CNTNAP2: variants seen among roughly 807,000 people sequenced by gnomAD.
The protein encoded by CNTNAP2 is contactin-associated protein-like 2.
Under a neutral mutation model 155.2 loss-of-function variants are expected in CNTNAP2, and 98 were observed. That is an observed-to-expected ratio of 0.63 (90% CI 0.54 to 0.75). CNTNAP2 has a LOEUF of 0.75. Ranked by LOEUF, CNTNAP2 falls within the 30% of genes least tolerant of loss-of-function variation. The probability of loss-of-function intolerance (pLI) is 0.00; values close to 1 mark genes in which losing one functional copy is unlikely to be tolerated. For missense variants in CNTNAP2, 1,727 were observed against 1,688.1 expected (o/e 1.02, Z -0.40); for synonymous variants, 651 against 631.2 (o/e 1.03, Z -0.47).
intron 3 of CNTNAP2, among the ~76,000 whole-genome samples, chr7:146,966,133 C>T (rs1448384344): frequency 2.6e-5 from 4 of 152,210 alleles, no homozygotes; most frequent in African/African-American, 9.6e-5. Flanking sequence ...TTGGGATTGT[C>T]ATTGTCTCTG....
Position 147,953,282 on chromosome 7 carries a change from A to G in CNTNAP2, c.2256-24580A>G, listed in dbSNP as rs566575568. 5.9e-5 allele frequency among the ~76,000 whole-genome samples: 9 copies of G among 152,330 alleles called. No homozygotes were observed. In the South Asian group the frequency reaches 1.2e-3, roughly 21 times the overall value. ...ATTCTTATCAATATCCCCTAAACCA[A>G]GCTGAGTAGTGTGAATGATTGAATC... On this transcript the variant is annotated intron_variant, in intron 14 of 23. Transcript: ENST00000361727.
At chr7:146,358,122 C>A (rs150455831) in intron 1 of CNTNAP2, among the ~76,000 whole-genome samples, 21,996 of 151,952 alleles carry the variant, frequency 0.14, 4,072 homozygotes, top group African/African-American at 0.43. Flanking sequence ...GCAAGCTCCG[C>A]CTGCCGGGTT....
chr7:148,388,862 C>T (rs1005409749), intron 22 of CNTNAP2, among the ~76,000 whole-genome samples: 2 of 152,136 alleles, frequency 1.3e-5, no homozygotes, highest in African/African-American at 4.8e-5. Context: ...TCGTGAACTG[C>T]GAATGCTGCC....
At chr7:147,564,908 C>T (rs1430880312) in intron 12 of CNTNAP2, among the ~76,000 whole-genome samples, 1 of 152,140 alleles carries the variant, frequency 6.6e-6, no homozygotes, top group East Asian at 1.9e-4. Context: ...AAGAATCTTG[C>T]CTTACAGGCC....
chr7:147,116,648 C>G (rs1173232499), intron 5 of CNTNAP2, among the ~76,000 whole-genome samples: 3 of 152,196 alleles, frequency 2.0e-5, no homozygotes, highest in Non-Finnish European at 4.4e-5. Context: ...TTGGACTCTC[C>G]AAAGCCCACA....
intron 13 of CNTNAP2, among the ~76,000 whole-genome samples, chr7:147,696,609 A>T (rs754280162): frequency 1.3e-5 from 2 of 151,696 alleles, no homozygotes; most frequent in Admixed American, 6.6e-5. Context: ...CTCTCCCTTT[A>T]TGTAGATCTA....
intron 9 of CNTNAP2, among the ~76,000 whole-genome samples, chr7:147,347,817 TGGCC>T (rs1795903475): frequency 6.6e-6 from 1 of 152,058 alleles, no homozygotes; most frequent in Non-Finnish European, 1.5e-5. Context: ...AGCATAATAC[TGGCC>T]TTAAAACAGA....
At position 146,405,216 on chromosome 7, in the gene CNTNAP2, G is replaced by A. The variant is rs897795475; in HGVS notation, c.97+288243G>A. Among the ~76,000 whole-genome samples the A allele has an allele frequency of 6.7e-4, 102 of 152,266 alleles. 1 individual carries two copies. The highest frequency in any genetic ancestry group is 2.1e-3 in the African/African-American group (88 of 41,556). On this transcript the variant is annotated intron_variant, in intron 1 of 23. Coordinates refer to ENST00000361727, the MANE Select transcript of CNTNAP2 (RefSeq NM_014141.6). ...AGCTACCTGCAGCCCTGTCCTGATG[G>A]TAATTTGGGTTGTAAGTCAATAAGC...
intron 12 of CNTNAP2, among the ~76,000 whole-genome samples, chr7:147,605,289 A>G (rs1259371891): frequency 3.9e-5 from 6 of 152,086 alleles, no homozygotes; most frequent in Non-Finnish European, 8.8e-5. Flanking sequence ...CTGACAGTAG[A>G]CACATTAACA....
intron 1 of CNTNAP2, among the ~76,000 whole-genome samples, chr7:146,726,502 T>C (rs1801434167): frequency 6.6e-6 from 1 of 152,210 alleles, no homozygotes; most frequent in South Asian, 2.1e-4. Flanking sequence ...AAGTGTTTGC[T>C]AAGCAATTAC....
intron 12 of CNTNAP2, among the ~76,000 whole-genome samples, chr7:147,609,630 G>A (rs918715275): frequency 6.6e-6 from 1 of 152,004 alleles, no homozygotes; most frequent in African/African-American, 2.4e-5. Context: ...AAGGTGATGT[G>A]TGCTATAGGA....
intron 1 of CNTNAP2, among the ~76,000 whole-genome samples, chr7:146,439,230 C>T (rs745349953): frequency 1.3e-5 from 2 of 151,510 alleles, no homozygotes; most frequent in African/African-American, 4.9e-5. Flanking sequence ...AAAAAACACT[C>T]TCTTCAATTT....
chr7:146,801,768 A>G (rs1350009259), intron 2 of CNTNAP2, among the ~76,000 whole-genome samples: 3 of 152,198 alleles, frequency 2.0e-5, no homozygotes, highest in African/African-American at 7.2e-5. Flanking sequence ...ATCAAATAAA[A>G]GTGAGAAAGC....
chr7:146,397,887 TA>T (rs67705119), intron 1 of CNTNAP2, among the ~76,000 whole-genome samples: 52,237 of 148,480 alleles, frequency 0.35, 10,262 homozygotes, highest in Admixed American at 0.46. Flanking sequence ...TTTATTTATT[TA>T]TTTTTGACAT....
chr7:147,765,590 G>A (rs1257952095), intron 13 of CNTNAP2, among the ~76,000 whole-genome samples: 1 of 152,080 alleles, frequency 6.6e-6, no homozygotes, highest in Admixed American at 6.6e-5. Context: ...GCAAGTGCTG[G>A]CCAGGGTGAG....
Position 146,601,261 on chromosome 7 carries a change from C to A in CNTNAP2, c.98-173010C>A, listed in dbSNP as rs183104063. Among the ~76,000 whole-genome samples the A allele has an allele frequency of 2.7e-3, 417 of 152,106 alleles. 3 individuals are homozygous for A. The highest frequency in any genetic ancestry group is 9.4e-3 in the African/African-American group (391 of 41,508). Reference sequence around the variant, plus strand: ...CTGTACTTTTCTGAGAAATTGCTATCTCATGTGGCAGATAACTTATATATA... The same window carrying A: ...CTGTACTTTTCTGAGAAATTGCTATATCATGTGGCAGATAACTTATATATA... On this transcript the variant is annotated intron_variant, in intron 1 of 23. Transcript: ENST00000361727.
chr7:146,475,013 G>GCGCGCGCACACACA (rs71525954), intron 1 of CNTNAP2, among the ~76,000 whole-genome samples: 43 of 144,380 alleles, frequency 3.0e-4, no homozygotes, highest in African/African-American at 9.9e-4. Context: ...GCGCGCGCGC[G>GCGCGCGCACACACA]CACACACACA....
intron 3 of CNTNAP2, among the ~76,000 whole-genome samples, chr7:147,035,435 C>T (rs1424544501): frequency 6.6e-6 from 1 of 152,172 alleles, no homozygotes; most frequent in Non-Finnish European, 1.5e-5. Flanking sequence ...AATCTAAAAT[C>T]TGGCAAGAAA....
At chr7:147,110,246 C>A (rs1005510363) in intron 5 of CNTNAP2, among the ~76,000 whole-genome samples, 1 of 151,966 alleles carries the variant, frequency 6.6e-6, no homozygotes. Context: ...TGGACAAGAC[C>A]AATGTATGTT....
Sources: allele counts gnomAD v4.1 joint callset (sites outside exome capture counted in the v4.1 genomes callset), GRCh38; gene constraint gnomAD v4.1.1; transcripts MANE v1.5; gene names NCBI Gene and HGNC (gene_info 2026-07-23, HGNC 2026-07-21).